The following SLC25A21 variants were observed in gnomAD, a reference collection of about 807,000 sequenced individuals.
SLC25A21 encodes solute carrier family 25 member 21.
Under a neutral mutation model 43.8 loss-of-function variants are expected in SLC25A21, and 47 were observed. The observed-to-expected ratio is 1.07, with a 90% confidence interval of 0.85 to 1.37. SLC25A21 has a LOEUF of 1.37. Ranked by LOEUF, SLC25A21 falls within the 40% of genes most tolerant of loss-of-function variation. The pLI is 0.00. For missense variants in SLC25A21, 352 were observed against 350.2 expected (o/e 1.00, Z -0.04); for synonymous variants, 131 against 121.3 (o/e 1.08, Z -0.52).
intron 1 of SLC25A21, among the ~76,000 whole-genome samples, chr14:37,143,336 TTTC>T (rs1435867877): frequency 6.6e-6 from 1 of 152,190 alleles, no homozygotes; most frequent in Non-Finnish European, 1.5e-5. Context: ...GCTCCCACCC[TTTC>T]TGCACTGCAC....
At chr14:37,133,126 T>G (rs1963418032) in intron 1 of SLC25A21, among the ~76,000 whole-genome samples, 1 of 145,684 alleles carries the variant, frequency 6.9e-6, no homozygotes, top group Non-Finnish European at 1.5e-5. Flanking sequence ...ATACCCCACC[T>G]TACTGTGTGC....
At chr14:36,852,371 A>T (rs1411582265) in intron 2 of SLC25A21, among the ~76,000 whole-genome samples, 2 of 152,212 alleles carry the variant, frequency 1.3e-5, no homozygotes, top group African/African-American at 4.8e-5. Context: ...GAGGGGGAAC[A>T]GAACAATTAG....
intron 2 of SLC25A21, among the ~76,000 whole-genome samples, chr14:36,872,820 A>G (rs1890413556): frequency 6.6e-6 from 1 of 152,220 alleles, no homozygotes; most frequent in Non-Finnish European, 1.5e-5. Context: ...TATCCATTTC[A>G]AGAAGTTTTC....
At chr14:36,729,607 C>A (rs367854735) in intron 4 of SLC25A21, 41 bp from the exon 5 acceptor site, 217 of 1,548,110 alleles carry the variant, frequency 1.4e-4, no homozygotes, top group Non-Finnish European at 1.8e-4. Context: ...TAACAATTTT[C>A]CTGCAACAAA....
intron 2 of SLC25A21, among the ~76,000 whole-genome samples, chr14:36,861,833 T>C (rs1444540786): frequency 6.6e-6 from 1 of 152,162 alleles, no homozygotes; most frequent in Non-Finnish European, 1.5e-5. Context: ...TTCCAAATTC[T>C]CTCTCCAAAA....
rs1196869102 is a variant in SLC25A21 at position 36,679,848 on chromosome 14, A to AAACTT, written c.*805_*809dup. 6 of 984,412 alleles carry AAACTT rather than the reference A, an allele frequency of 6.1e-6. No individual in the cohort carries two copies. Among genetic ancestry groups the AAACTT allele is most frequent in the Non-Finnish European group, 7.2e-6 (6 of 829,044 alleles). 61.0% of individuals were successfully genotyped at this position (984,412 alleles called of 1,614,324 possible). On this transcript the variant is annotated 3_prime_UTR_variant, in exon 10 of 10. Transcript: ENST00000331299. ...TTAACATGACAATATCTCATCAACA[A>AAACTT]AACTTATCTTCAAAGAGAACTATGT...
chr14:36,923,328 C>T (rs753262247), intron 1 of SLC25A21, among the ~76,000 whole-genome samples: 6 of 151,902 alleles, frequency 3.9e-5, no homozygotes, highest in African/African-American at 9.7e-5. Flanking sequence ...AAAAAATATG[C>T]CACAGAAAAA....
At position 36,911,094 on chromosome 14, in the gene SLC25A21, A is replaced by G. The variant is rs145971831; in HGVS notation, c.71-36090T>C. The stretch of plus-strand genomic sequence containing the variant: ...GAAGCAGGGACCTTCTACTCTTATG[A>G]TGGCATTTCTTGTATCACTCCTACT... On this transcript the variant is annotated intron_variant, in intron 1 of 9. Coordinates refer to ENST00000331299, the MANE Select transcript of SLC25A21 (RefSeq NM_030631.4). 3.1e-3 allele frequency among the ~76,000 whole-genome samples: 470 copies of G among 152,300 alleles called. 2 individuals are homozygous for G. Among genetic ancestry groups the G allele is most frequent in the African/African-American group, 0.011 (441 of 41,560 alleles).
intron 1 of SLC25A21, among the ~76,000 whole-genome samples, chr14:36,950,070 T>C (rs1892770342): frequency 6.6e-6 from 1 of 152,202 alleles, no homozygotes; most frequent in Admixed American, 6.5e-5. Flanking sequence ...ATACTGTAAA[T>C]GCTGTTCTGA....
intron 1 of SLC25A21, among the ~76,000 whole-genome samples, chr14:37,135,032 A>G (rs887725852): frequency 6.6e-6 from 1 of 151,348 alleles, no homozygotes; most frequent in Non-Finnish European, 1.5e-5. Context: ...GGTTCAAGCG[A>G]TTCTCCTGCC....
rs142720470 is a variant in SLC25A21 at position 36,912,227 on chromosome 14, G to C, written c.71-37223C>G. 6.0e-3 allele frequency among the ~76,000 whole-genome samples: 921 copies of C among 152,302 alleles called. 13 individuals carry two copies. Among genetic ancestry groups the C allele is most frequent in the Middle Eastern group, 0.024 (7 of 294 alleles). On this transcript the variant is annotated intron_variant, in intron 1 of 9. Coordinates refer to ENST00000331299, the MANE Select transcript of SLC25A21 (RefSeq NM_030631.4). ...CATTTATTCAATCATTCAACAAATA[G>C]TTAGCAGTTACTGCACAAATACTAT... is the stretch of plus-strand genomic sequence containing the variant.
At chr14:36,864,871 C>T (rs142799245) in intron 2 of SLC25A21, among the ~76,000 whole-genome samples, 41 of 152,218 alleles carry the variant, frequency 2.7e-4, no homozygotes, top group African/African-American at 7.9e-4. Context: ...TTTTATACCA[C>T]GGGCAAATCA....
intron 1 of SLC25A21, among the ~76,000 whole-genome samples, chr14:37,104,584 G>A (rs558919120): frequency 2.0e-5 from 3 of 152,152 alleles, no homozygotes; most frequent in African/African-American, 7.2e-5. Flanking sequence ...TATGGCCCGT[G>A]GCACAAACTT....
chr14:36,920,921 T>C (rs1891962505), intron 1 of SLC25A21, among the ~76,000 whole-genome samples: 1 of 152,170 alleles, frequency 6.6e-6, no homozygotes, highest in African/African-American at 2.4e-5. Flanking sequence ...TAAAGTTAAC[T>C]ACAGTTAATT....
At chr14:36,841,424 A>T (rs1379627474) in intron 2 of SLC25A21, among the ~76,000 whole-genome samples, 7 of 152,212 alleles carry the variant, frequency 4.6e-5, no homozygotes, top group Non-Finnish European at 8.8e-5. Context: ...TCTTACCTTG[A>T]GGCCAAGGCT....
At chr14:36,744,512 T>C (rs1017795043) in intron 3 of SLC25A21, among the ~76,000 whole-genome samples, 1 of 141,900 alleles carries the variant, frequency 7.0e-6, no homozygotes, top group African/African-American at 2.7e-5. Flanking sequence ...TGGACCCCTA[T>C]CTCTCACCAT....
At chr14:37,012,032 A>G (rs924744410) in intron 1 of SLC25A21, among the ~76,000 whole-genome samples, 3 of 152,208 alleles carry the variant, frequency 2.0e-5, no homozygotes, top group Non-Finnish European at 2.9e-5. Context: ...GAACCAAGTT[A>G]CCCTGAAAAG....
At chr14:37,081,031 G>C (rs1962377559) in intron 1 of SLC25A21, among the ~76,000 whole-genome samples, 1 of 152,152 alleles carries the variant, frequency 6.6e-6, no homozygotes, top group African/African-American at 2.4e-5. Flanking sequence ...CAGGGGGATA[G>C]TCAAGATGCT....
chr14:36,707,334 G>C (rs985164557), intron 7 of SLC25A21, among the ~76,000 whole-genome samples: 4 of 152,136 alleles, frequency 2.6e-5, no homozygotes, highest in Admixed American at 2.6e-4. Context: ...CCTTGTAAGT[G>C]CTGGGACAGC....
Sources: gnomAD v4.1 joint callset for allele counts (sites outside exome capture counted in the v4.1 genomes callset) on GRCh38, gnomAD v4.1.1 for gene constraint, MANE v1.5 for transcripts, NCBI Gene and HGNC (gene_info 2026-07-23, HGNC 2026-07-21) for gene names.